The following USO1 variants were observed in gnomAD, a reference collection of about 807,000 sequenced individuals.
USO1 encodes the protein USO1 vesicle transport factor, also known as general vesicular transport factor p115.
Under a neutral mutation model 124.5 loss-of-function variants are expected in USO1, and 57 were observed. The observed-to-expected ratio is 0.46, with a 90% CI of 0.37 to 0.57. The LOEUF (loss-of-function observed/expected upper bound fraction) is 0.57, where lower values mean the gene tolerates loss of function less well. USO1 is among the 20% of genes least tolerant of loss of function. USO1 has a pLI of 0.00. For synonymous variants in USO1, 369 were observed against 362.8 expected (o/e 1.02, Z -0.19); for missense variants, 900 against 1,040.6 (o/e 0.86, Z 1.86).
chr4:75,748,317 C>T (rs1433957721), intron 1 of USO1, among the ~76,000 whole-genome samples: 1 of 150,114 alleles, frequency 6.7e-6, no homozygotes, highest in East Asian at 2.0e-4. Context: ...GCCTTCTGAA[C>T]AGCTGAGACT....
intron 1 of USO1, 78 bp downstream of exon 1, chr4:75,724,963 T>A: frequency 6.6e-7 from 1 of 1,522,572 alleles, no homozygotes; most frequent in South Asian, 1.2e-5. Flanking sequence ...GACCCGAAGG[T>A]CACCTCCAGC....
Position 75,782,803 on chromosome 4 carries a change from A to T in USO1, c.800A>T (p.Asp267Val). Residue 267 changes from aspartate (D) to valine (V), a missense_variant, in exon 9 of 24, where the codon GAT becomes GTT. Around this residue, in one of 2 missense-constraint regions of USO1, gnomAD observed 538 missense variants for 681.6 expected, o/e 0.79. Transcript: ENST00000514213. ...ATGAAACCTTGGTTTGAAGTTGGAG[A>T]TGAAAATTCTGGCTGGTCTGCACAG... is the stretch of plus-strand genomic sequence containing the variant. ...QRMKPWFEVG[D>V]ENSGWSAQKV... The T allele has an allele frequency of 6.2e-7, 1 of 1,606,812 alleles. No homozygotes were observed. The highest frequency in any genetic ancestry group is 8.5e-7 in the Non-Finnish European group (1 of 1,177,908).
At chr4:75,759,360 G>A (rs1308430300) in intron 4 of USO1, among the ~76,000 whole-genome samples, 4 of 146,168 alleles carry the variant, frequency 2.7e-5, no homozygotes, top group Non-Finnish European at 4.5e-5. Flanking sequence ...TTGGGAGGCC[G>A]AGGCGGGTGG....
rs549710396 is a variant in USO1, at chr4:75,786,364, T to C, written c.856-698T>C. ...AAGGTATTATCATAAATACCCCCAT[T>C]TGATCTTGATTTAGAAGATTTTGCA... On this transcript the variant is annotated intron_variant, in intron 9 of 23. Coordinates refer to ENST00000514213, the MANE Select transcript of USO1 (RefSeq NM_003715.4). 2.6e-5 allele frequency among the ~76,000 whole-genome samples: 4 copies of C among 152,302 alleles called. No individual in the cohort carries two copies. In the East Asian group the frequency reaches 5.8e-4, roughly 22 times the overall value.
chr4:75,801,778 GT>G (rs1304994696), intron 17 of USO1, among the ~76,000 whole-genome samples: 1 of 152,064 alleles, frequency 6.6e-6, no homozygotes, highest in Non-Finnish European at 1.5e-5. Flanking sequence ...ATTGACAACT[GT>G]TTATATCTTA....
chr4:75,785,316 A>T (rs1434481183), intron 9 of USO1, among the ~76,000 whole-genome samples: 1 of 152,130 alleles, frequency 6.6e-6, no homozygotes, highest in Non-Finnish European at 1.5e-5. Flanking sequence ...TATTTAGGGA[A>T]AACATCTTTT....
Position 75,812,212 on chromosome 4 carries a change from A to C in USO1, c.2636A>C (p.Asp879Ala). 6.2e-7 allele frequency: 1 copy of C among 1,610,058 alleles called. No individual in the cohort carries two copies. The highest frequency in any genetic ancestry group is 8.5e-7 in the Non-Finnish European group (1 of 1,178,070). ...EERTAIKEQL[D>A]SSNSTIAILQ... is the part of the protein sequence containing the mutation. ...AGAACTGCCATTAAAGAGCAGCTGG[A>C]TTCATCTAATAGTACCATTGCCATT... The change falls in exon 23 of 24, where the codon GAT (aspartate) becomes GCT (alanine). Residue 879 changes from aspartate to alanine, a missense_variant. Asp to Ala is a moderately radical substitution (Grantham distance 126). Around this residue, in one of 2 missense-constraint regions of USO1, gnomAD observed 362 missense variants for 359.0 expected, o/e 1.01. Transcript: ENST00000514213.
At chr4:75,754,238 C>T (rs1206755874) in intron 3 of USO1, among the ~76,000 whole-genome samples, 1 of 152,056 alleles carries the variant, frequency 6.6e-6, no homozygotes, top group African/African-American at 2.4e-5. Context: ...CATGCGCCAC[C>T]ATGCCTGGCT....
At chr4:75,804,359 C>T in intron 18 of USO1, 87 bp downstream of exon 18, 1 of 1,460,638 alleles carries the variant, frequency 6.8e-7, no homozygotes, top group Non-Finnish European at 9.0e-7. Flanking sequence ...TTTCTGTGGA[C>T]TAGTATTTTT....
chr4:75,770,428 G>T lies in USO1; in HGVS notation c.296-11G>T. On this transcript the variant is annotated splice_polypyrimidine_tract_variant and intron_variant, in intron 4 of 23. Coordinates refer to ENST00000514213, the MANE Select transcript of USO1 (RefSeq NM_003715.4). ...TATTAAATTGAAATTCTTTATTTTT[G>T]AATATTACAGAAGAAAATTCCACAA... 2.0e-6 allele frequency: 3 copies of T among 1,518,836 alleles called. No homozygotes were observed. The highest frequency in any genetic ancestry group is 1.7e-4 in the Middle Eastern group (1 of 5,770). The allele number at this position is 1,518,836 out of a possible 1,614,324, so 94.1% of individuals were successfully genotyped here. A position where few individuals can be genotyped will look rare whatever the true frequency, so the allele number is the denominator to read the frequency against.
chr4:75,796,341 C>CTTTTTTTTTTTTTTTTTTTTTTTTT lies in USO1; in HGVS notation c.1452+2452_1452+2453insTTTTTTTTTTTTTTTTTTTTTTTTT, dbSNP rs533041107. ...TAATCCCAGAAAGTTCCATCATGCT[C>CTTTTTTTTTTTTTTTTTTTTTTTTT]TTTTTTTTTTTTGAGACGGAGTCTC... On this transcript the variant is annotated intron_variant, in intron 13 of 23. Coordinates refer to ENST00000514213, the MANE Select transcript of USO1 (RefSeq NM_003715.4). Among the ~76,000 whole-genome samples, 13 of 102,082 alleles carry CTTTTTTTTTTTTTTTTTTTTTTTTT rather than the reference C, an allele frequency of 1.3e-4. 3 individuals carry two copies. The highest frequency in any genetic ancestry group is 1.2e-4 in the African/African-American group (4 of 32,758). 67.0% of individuals were successfully genotyped at this position (102,082 alleles called of 152,430 possible).
At chr4:75,759,264 T>TTTTTTTTTA (rs1553898967) in intron 4 of USO1, among the ~76,000 whole-genome samples, 2 of 145,428 alleles carry the variant, frequency 1.4e-5, no homozygotes, top group Admixed American at 1.4e-4. Context: ...TTTTTTTTTT[T>TTTTTTTTTA]CTGAAAATTT....
At chr4:75,790,917 A>C (rs1722510858) in intron 12 of USO1, 120 bp downstream of exon 12, 6 of 1,224,772 alleles carry the variant, frequency 4.9e-6, no homozygotes, top group Non-Finnish European at 1.0e-6. Context: ...GAGAGAAAAA[A>C]AAAAAACAAA....
chr4:75,786,978 A>G (rs749194290), intron 9 of USO1, 84 bp from the exon 10 acceptor site: 65 of 1,406,652 alleles, frequency 4.6e-5, no homozygotes, highest in Non-Finnish European at 5.8e-5. Context: ...CTTCATGCAG[A>G]CTTTCTTGTT....
chr4:75,786,173 C>T (rs1722355298), intron 9 of USO1, among the ~76,000 whole-genome samples: 2 of 152,078 alleles, frequency 1.3e-5, no homozygotes, highest in African/African-American at 4.8e-5. Context: ...TATTTAACTC[C>T]TCCCTCACAA....
At chr4:75,729,849 A>G (rs1315597112) in intron 1 of USO1, 1 of 267,818 alleles carries the variant, frequency 3.7e-6, no homozygotes, top group Non-Finnish European at 7.5e-6. Flanking sequence ...CTCAGAAAGC[A>G]GAAGGGCTAA....
intron 21 of USO1, 142 bp downstream of exon 21, chr4:75,809,193 G>C: frequency 9.9e-7 from 1 of 1,013,346 alleles, no homozygotes; most frequent in Non-Finnish European, 1.4e-6. Flanking sequence ...TAGTAACATA[G>C]GCTTCATGTT....
intron 3 of USO1, 57 bp from the exon 4 acceptor site, chr4:75,757,440 C>G (rs1721478813): frequency 1.5e-6 from 2 of 1,366,208 alleles, no homozygotes; most frequent in African/African-American, 1.5e-5. Flanking sequence ...TAAAAATGGT[C>G]ATAACAGTTT....
At chr4:75,762,336 G>A (rs1721632434) in intron 4 of USO1, among the ~76,000 whole-genome samples, 1 of 151,624 alleles carries the variant, frequency 6.6e-6, no homozygotes, top group East Asian at 1.9e-4. Flanking sequence ...GCTAATTTTT[G>A]TATTTTTAGT....
Sources: allele counts gnomAD v4.1 joint callset (sites outside exome capture counted in the v4.1 genomes callset), GRCh38; gene constraint gnomAD v4.1.1; regional missense constraint gnomAD v4.1.1; transcripts MANE v1.5; gene names NCBI Gene and HGNC (gene_info 2026-07-23, HGNC 2026-07-21).